DCLK1: variants seen among roughly 807,000 people sequenced by gnomAD.
DCLK1 encodes doublecortin like kinase 1, also known as serine/threonine-protein kinase DCLK1.
In DCLK1, 16 loss-of-function variants were observed where a neutral mutation model predicts 86.2. The ratio of observed to expected loss-of-function variants is 0.19; its 90% CI spans 0.13 to 0.28. The LOEUF is 0.28. DCLK1 is among the 10% of genes least tolerant of loss of function. The pLI, the probability that DCLK1 is intolerant of heterozygous loss-of-function variation, is 1.00. For synonymous variants in DCLK1, 369 were observed against 370.5 expected (o/e 1.00, Z 0.05); for missense variants, 590 against 940.2 (o/e 0.63, Z 4.87).
intron 3 of DCLK1, among the ~76,000 whole-genome samples, chr13:35,987,908 C>A (rs1880020490): frequency 6.6e-6 from 1 of 152,192 alleles, no homozygotes; most frequent in African/African-American, 2.4e-5. Context: ...ACAATCTCCT[C>A]CCTGCTCCCC....
At chr13:35,958,960 A>T (rs1878299045) in intron 3 of DCLK1, among the ~76,000 whole-genome samples, 1 of 152,212 alleles carries the variant, frequency 6.6e-6, no homozygotes, top group South Asian at 2.1e-4. Flanking sequence ...TTAAGATCTA[A>T]ACACAGCTAA....
intron 3 of DCLK1, among the ~76,000 whole-genome samples, chr13:36,032,963 G>A (rs955649581): frequency 6.6e-6 from 1 of 152,160 alleles, no homozygotes; most frequent in African/African-American, 2.4e-5. Flanking sequence ...TTCTCTGTAA[G>A]GCAGTAGCTG....
At chr13:35,788,934 T>C (rs1375883077) in intron 16 of DCLK1, among the ~76,000 whole-genome samples, 3 of 152,160 alleles carry the variant, frequency 2.0e-5, no homozygotes, top group Non-Finnish European at 2.9e-5. Flanking sequence ...TATGAAAATA[T>C]GGAAAGTGAA....
At chr13:36,027,793 C>T (rs149443462) in intron 3 of DCLK1, among the ~76,000 whole-genome samples, 6 of 152,274 alleles carry the variant, frequency 3.9e-5, no homozygotes, top group Admixed American at 2.6e-4. Context: ...AGTGTAGTGG[C>T]GTGAACTCAG....
chr13:35,854,477 A>G (rs752949772), intron 6 of DCLK1, 22 bp downstream of exon 6: 69 of 1,577,376 alleles, frequency 4.4e-5, no homozygotes, highest in Non-Finnish European at 9.5e-6. Context: ...GTCTGAAACA[A>G]GCAGCTTGCT....
intron 3 of DCLK1, among the ~76,000 whole-genome samples, chr13:36,047,151 T>A (rs1003128355): frequency 6.6e-6 from 1 of 152,180 alleles, no homozygotes; most frequent in Non-Finnish European, 1.5e-5. Flanking sequence ...CCTGATAGAA[T>A]GGCTACTATC....
intron 6 of DCLK1, chr13:35,847,265 T>C: frequency 1.0e-6 from 1 of 985,284 alleles, no homozygotes; most frequent in Non-Finnish European, 1.2e-6. Context: ...TTGAGCAAAC[T>C]GCTTTTTAAT....
intron 3 of DCLK1, among the ~76,000 whole-genome samples, chr13:36,073,733 G>A (rs182353701): frequency 1.3e-5 from 2 of 152,208 alleles, no homozygotes; most frequent in Admixed American, 1.3e-4. Context: ...GCTTGCACAT[G>A]TCCTTAACAC....
intron 3 of DCLK1, among the ~76,000 whole-genome samples, chr13:36,012,390 G>A (rs1367436042): frequency 1.5e-4 from 22 of 151,636 alleles, no homozygotes; most frequent in South Asian, 2.1e-4. Flanking sequence ...CATGTTTAGC[G>A]CTTCCTTCAG....
intron 6 of DCLK1, among the ~76,000 whole-genome samples, chr13:35,840,725 T>C (rs147333750): frequency 1.3e-5 from 2 of 152,332 alleles, no homozygotes; most frequent in Admixed American, 6.5e-5. Context: ...GATTGTCACC[T>C]TGACACAGAG....
intron 3 of DCLK1, among the ~76,000 whole-genome samples, chr13:36,046,862 T>A (rs1369197367): frequency 1.3e-5 from 2 of 152,150 alleles, no homozygotes; most frequent in African/African-American, 4.8e-5. Flanking sequence ...GTGAGTGAAG[T>A]CAGAACCAAG....
Position 35,946,487 on chromosome 13 carries a change from T to C in DCLK1, c.823+871A>G, listed in dbSNP as rs146979337. On this transcript the variant is annotated intron_variant, in intron 4 of 16. Coordinates refer to ENST00000360631, the MANE Select transcript of DCLK1 (RefSeq NM_001330071.2). ...AGTGACCACATCACTTTTCCCATTA[T>C]TGTTAATGCTCAAGTGTTGCTCAGC... Among the ~76,000 whole-genome samples the C allele has an allele frequency of 1.6e-4, 24 of 152,400 alleles. 1 individual carries two copies. The East Asian group carries it at 4.4e-3, about 28-fold the overall frequency.
chr13:35,959,245 T>C (rs183203923), intron 3 of DCLK1, among the ~76,000 whole-genome samples: 269 of 152,312 alleles, frequency 1.8e-3, no homozygotes, highest in Middle Eastern at 3.4e-3. Flanking sequence ...GTGAGTAACA[T>C]GGGGCTGGTT....
chr13:35,855,492 G>T, intron 5 of DCLK1: 1 of 1,598,550 alleles, frequency 6.3e-7, no homozygotes, highest in Non-Finnish European at 8.5e-7. Flanking sequence ...AGGGAGAGCA[G>T]CAATGCATTT....
chr13:35,848,038 C>T, intron 6 of DCLK1: 1 of 985,254 alleles, frequency 1.0e-6, no homozygotes, highest in Non-Finnish European at 1.2e-6. Context: ...TTCCTAATAT[C>T]TTTTTCTACA....
chr13:35,800,413 A>G (rs9574633), intron 15 of DCLK1, among the ~76,000 whole-genome samples: 93,100 of 152,054 alleles, frequency 0.61, 30,672 homozygotes, highest in African/African-American at 0.86. Context: ...TGCTCCTCCC[A>G]TGGGTCTACA....
At chr13:35,868,991 A>G in intron 5 of DCLK1, 3 of 416,576 alleles carry the variant, frequency 7.2e-6, no homozygotes, top group South Asian at 1.7e-5. Flanking sequence ...GGGTTTCACT[A>G]CATTGGCCAG....
At chr13:36,003,985 T>C (rs1044586206) in intron 3 of DCLK1, among the ~76,000 whole-genome samples, 1 of 152,118 alleles carries the variant, frequency 6.6e-6, no homozygotes, top group African/African-American at 2.4e-5. Context: ...TACTGTAGAG[T>C]GTTTTGTTTG....
chr13:35,988,786 G>C (rs1292806377), intron 3 of DCLK1, among the ~76,000 whole-genome samples: 1 of 152,154 alleles, frequency 6.6e-6, no homozygotes, highest in Non-Finnish European at 1.5e-5. Context: ...ATGTTGCAAT[G>C]AGCTTCTGAT....
Sources: allele counts gnomAD v4.1 joint callset (sites outside exome capture counted in the v4.1 genomes callset), GRCh38; gene constraint gnomAD v4.1.1; transcripts MANE v1.5; gene names NCBI Gene and HGNC (gene_info 2026-07-23, HGNC 2026-07-21).